Variants in B4GALT5 observed in about 807,000 individuals in gnomAD.
B4GALT5 encodes the protein UDP-Gal:beta-GlcNAc beta-1,4-galactosyltransferase 5.
B4GALT5 carries 11 observed loss-of-function variants against 45.0 expected under a neutral mutation model. The observed-to-expected ratio is 0.24, with a 90% CI of 0.15 to 0.40. The LOEUF is 0.40. Among genes scored for constraint, B4GALT5 ranks in the 10% least tolerant of loss-of-function variants. The pLI is 1.00. For synonymous variants in B4GALT5, 185 were observed against 182.9 expected, an observed-to-expected ratio of 1.01 and a Z score of -0.09; for missense variants, 337 against 500.2, an observed-to-expected ratio of 0.67 and a Z score of 3.11.
chr20:49,704,739 CAAA>C (rs1011080068), intron 1 of B4GALT5, among the ~76,000 whole-genome samples: 2 of 149,732 alleles, frequency 1.3e-5, no homozygotes, highest in African/African-American at 4.9e-5. Flanking sequence ...CAAAAAAAAA[CAAA>C]AAAAAACCAC....
chr20:49,709,100 T>G (rs113552278), intron 1 of B4GALT5, among the ~76,000 whole-genome samples: 20 of 152,130 alleles, frequency 1.3e-4, no homozygotes, highest in Non-Finnish European at 1.8e-4. Context: ...AATCAGCACC[T>G]CATATGTATA....
chr20:49,713,451 C>G, intron 1 of B4GALT5, 125 bp downstream of exon 1: 1 of 922,544 alleles, frequency 1.1e-6, no homozygotes, highest in Admixed American at 2.7e-5. Flanking sequence ...GCCAGGACTC[C>G]GGAGTCTTCG....
At chr20:49,654,237 T>A (rs1348574085) in intron 2 of B4GALT5, among the ~76,000 whole-genome samples, 1 of 152,206 alleles carries the variant, frequency 6.6e-6, no homozygotes, top group East Asian at 1.9e-4. Context: ...ATGATCAAGC[T>A]GCGCCATCTT....
chr20:49,709,441 G>A (rs2085898355), intron 1 of B4GALT5, among the ~76,000 whole-genome samples: 1 of 151,968 alleles, frequency 6.6e-6, no homozygotes, highest in South Asian at 2.1e-4. Context: ...CTTTTAAATT[G>A]CTGATATAAA....
At chr20:49,688,053 G>A (rs547331090) in intron 1 of B4GALT5, among the ~76,000 whole-genome samples, 3 of 152,176 alleles carry the variant, frequency 2.0e-5, no homozygotes, top group South Asian at 2.1e-4. Context: ...GAAGGAGGCT[G>A]AGGAAACAGA....
chr20:49,664,101 C>G (rs1194650880), intron 1 of B4GALT5, among the ~76,000 whole-genome samples: 1 of 152,146 alleles, frequency 6.6e-6, no homozygotes, highest in Non-Finnish European at 1.5e-5. Context: ...CCAAATGTCT[C>G]AACTCAGCAA....
intron 1 of B4GALT5, among the ~76,000 whole-genome samples, chr20:49,700,344 G>C (rs2085856560): frequency 6.6e-6 from 1 of 152,130 alleles, no homozygotes; most frequent in African/African-American, 2.4e-5. Flanking sequence ...ATTTTTCTGA[G>C]AGAGTCTCAC....
intron 2 of B4GALT5, among the ~76,000 whole-genome samples, chr20:49,649,333 C>T (rs912286484): frequency 6.6e-6 from 1 of 152,246 alleles, no homozygotes; most frequent in East Asian, 1.9e-4. Context: ...AATCCCAGCA[C>T]TTTGGGAGAC....
intron 1 of B4GALT5, among the ~76,000 whole-genome samples, chr20:49,684,999 G>C (rs1001026884): frequency 6.6e-6 from 1 of 152,146 alleles, no homozygotes; most frequent in African/African-American, 2.4e-5. Context: ...TGTGAATATA[G>C]TACACAGAGT....
At chr20:49,669,525 C>T (rs1237719994) in intron 1 of B4GALT5, among the ~76,000 whole-genome samples, 3 of 151,784 alleles carry the variant, frequency 2.0e-5, no homozygotes, top group East Asian at 1.9e-4. Context: ...GGAGAAACAC[C>T]GTCTCTACTA....
chr20:49,682,459 G>A (rs57212714), intron 1 of B4GALT5, among the ~76,000 whole-genome samples: 7 of 152,186 alleles, frequency 4.6e-5, no homozygotes, highest in Non-Finnish European at 7.4e-5. Flanking sequence ...CCAGCCACAC[G>A]GGCCTTCTCG....
rs1227012385 is a variant in B4GALT5, at chr20:49,635,521, T to C, written c.*791A>G. ...TTTTGTTCTTTTGTGACATGCCCTA[T>C]ATCCACTCCCTCGCCAAAGTGACAG... is the stretch of plus-strand genomic sequence containing the variant. On this transcript the variant is annotated 3_prime_UTR_variant, in exon 9 of 9. Transcript: ENST00000371711. The C allele has an allele frequency of 1.3e-5, 2 of 152,282 alleles. No homozygotes were observed. The highest frequency in any genetic ancestry group is 6.6e-5 in the Admixed American group (1 of 15,266). The allele number at this position is 152,282 out of a possible 1,614,324, so 9.4% of individuals were successfully genotyped here.
In B4GALT5 at chr20:49,656,667, T is replaced by C; in HGVS notation, c.151A>G (p.Ile51Val). The C allele has an allele frequency of 6.2e-7, 1 of 1,614,178 alleles. No homozygotes were observed. The highest frequency in any genetic ancestry group is 8.5e-7 in the Non-Finnish European group (1 of 1,180,016). Residue 51 changes from isoleucine to valine, a missense_variant, in exon 2 of 9, where the codon ATT becomes GTT. Physicochemically the swap from Ile to Val is conservative, Grantham distance 29. Transcript: ENST00000371711. ...TYLFMMQAQG[I>V]LIRDNVRTIG... ...GTTCTCACGTTGTCCCGGATCAGAA[T>C]GCCTTGGGCTTGCATCATGAAGAGG...
intron 1 of B4GALT5, among the ~76,000 whole-genome samples, chr20:49,708,934 A>G (rs76180415): frequency 4.1e-5 from 6 of 147,358 alleles, no homozygotes; most frequent in African/African-American, 1.5e-4. Flanking sequence ...TCCATCTCAA[A>G]AAAAAAAAAA....
chr20:49,667,753 G>A (rs1168776940), intron 1 of B4GALT5, among the ~76,000 whole-genome samples: 1 of 152,128 alleles, frequency 6.6e-6, no homozygotes, highest in Non-Finnish European at 1.5e-5. Flanking sequence ...ATATATTTCA[G>A]GCTTCCAATA....
intron 1 of B4GALT5, among the ~76,000 whole-genome samples, chr20:49,686,031 G>A (rs1365384686): frequency 6.6e-6 from 1 of 152,178 alleles, no homozygotes. Context: ...GGCATGATGG[G>A]AAGGGAGTAC....
chr20:49,706,660 G>A (rs2085885205), intron 1 of B4GALT5, among the ~76,000 whole-genome samples: 1 of 152,162 alleles, frequency 6.6e-6, no homozygotes, highest in Admixed American at 6.6e-5. Flanking sequence ...AGAAAGTGAA[G>A]AACAACTGCC....
intron 1 of B4GALT5, among the ~76,000 whole-genome samples, chr20:49,702,447 A>G (rs1239724387): frequency 6.6e-6 from 1 of 152,230 alleles, no homozygotes; most frequent in Non-Finnish European, 1.5e-5. Context: ...CCTCATTAAA[A>G]ACTTTTTTGT....
intron 1 of B4GALT5, among the ~76,000 whole-genome samples, chr20:49,667,408 C>T (rs1601258664): frequency 1.3e-5 from 2 of 152,004 alleles, no homozygotes; most frequent in African/African-American, 4.8e-5. Flanking sequence ...CCTGCCACCT[C>T]GCCCGGCTAA....
Sources: gnomAD v4.1 joint callset for allele counts (sites outside exome capture counted in the v4.1 genomes callset) on GRCh38, gnomAD v4.1.1 for gene constraint, MANE v1.5 for transcripts, NCBI Gene and HGNC (gene_info 2026-07-23, HGNC 2026-07-21) for gene names.